Variants in MACROD2 observed in about 807,000 individuals in gnomAD.
The protein encoded by MACROD2 is mono-ADP ribosylhydrolase 2, also known as ADP-ribose glycohydrolase MACROD2.
MACROD2 carries 36 observed loss-of-function variants against 70.4 expected under a neutral mutation model. The ratio of observed to expected loss-of-function variants is 0.51; its 90% CI spans 0.39 to 0.68. The LOEUF (loss-of-function observed/expected upper bound fraction) is 0.68. Among genes scored for constraint, MACROD2 ranks in the 30% least tolerant of loss-of-function variants. The pLI, the probability that MACROD2 is intolerant of heterozygous loss-of-function variation, is 0.00. For missense variants in MACROD2, 496 were observed against 538.4 expected, an observed-to-expected ratio of 0.92 and a Z score of 0.78; for synonymous variants, 172 against 178.8, an observed-to-expected ratio of 0.96 and a Z score of 0.30.
intron 7 of MACROD2, among the ~76,000 whole-genome samples, chr20:15,493,121 A>C (rs560720619): frequency 1.4e-4 from 22 of 152,296 alleles, no homozygotes; most frequent in East Asian, 5.8e-4. Flanking sequence ...AAAATGATTG[A>C]GTGCATAAAG....
At chr20:14,593,231 AGAGG>A (rs1981899667) in intron 4 of MACROD2, among the ~76,000 whole-genome samples, 1 of 152,210 alleles carries the variant, frequency 6.6e-6, no homozygotes, top group Non-Finnish European at 1.5e-5. Flanking sequence ...TTATTCGATT[AGAGG>A]AAATTTTTTT....
At chr20:14,279,274 C>A (rs556540391) in intron 3 of MACROD2, among the ~76,000 whole-genome samples, 257 of 152,190 alleles carry the variant, frequency 1.7e-3, no homozygotes, top group African/African-American at 6.0e-3. Flanking sequence ...TTCCTAAAAA[C>A]AAAAACAAAC....
chr20:14,307,067 A>G (rs1345082792), intron 3 of MACROD2, among the ~76,000 whole-genome samples: 1 of 151,956 alleles, frequency 6.6e-6, no homozygotes, highest in African/African-American at 2.4e-5. Context: ...TGAGAAGAAA[A>G]ATGAATTTTA....
At chr20:14,130,376 C>T (rs2054701653) in intron 3 of MACROD2, among the ~76,000 whole-genome samples, 1 of 151,914 alleles carries the variant, frequency 6.6e-6, no homozygotes, top group African/African-American at 2.4e-5. Context: ...GGTGAAACCC[C>T]GTCTCTGCTA....
intron 6 of MACROD2, among the ~76,000 whole-genome samples, chr20:15,365,083 CT>C (rs1296647304): frequency 6.6e-6 from 1 of 151,916 alleles, no homozygotes; most frequent in Non-Finnish European, 1.5e-5. Context: ...CTGAGACTTG[CT>C]TTTTAGGTCA....
At chr20:14,367,115 T>G (rs2083279963) in intron 3 of MACROD2, among the ~76,000 whole-genome samples, 1 of 152,202 alleles carries the variant, frequency 6.6e-6, no homozygotes, top group Non-Finnish European at 1.5e-5. Flanking sequence ...ATCCTAAATT[T>G]ATAACAATCT....
chr20:14,719,964 C>T (rs145977140), intron 5 of MACROD2, among the ~76,000 whole-genome samples: 315 of 152,262 alleles, frequency 2.1e-3, no homozygotes, highest in African/African-American at 7.4e-3. Context: ...GCAGCTCTGG[C>T]TATCTCATAT....
chr20:15,660,323 CAT>C (rs2049801858), intron 8 of MACROD2, among the ~76,000 whole-genome samples: 1 of 152,102 alleles, frequency 6.6e-6, no homozygotes, highest in African/African-American at 2.4e-5. Context: ...TTTCATTTGA[CAT>C]GTGTTAATTT....
intron 8 of MACROD2, among the ~76,000 whole-genome samples, chr20:15,821,811 G>C (rs1221782745): frequency 6.6e-6 from 1 of 152,144 alleles, no homozygotes; most frequent in East Asian, 1.9e-4. Context: ...TTAATAAGAG[G>C]ATGGAGCATT....
chr20:14,528,322 T>G (rs539260230), intron 4 of MACROD2, among the ~76,000 whole-genome samples: 3 of 71,150 alleles, frequency 4.2e-5, no homozygotes, highest in Non-Finnish European at 7.5e-5. Context: ...AGGGTTTCTG[T>G]TTTTTTTTTT....
At chr20:14,571,801 C>T (rs995404345) in intron 4 of MACROD2, among the ~76,000 whole-genome samples, 5 of 152,040 alleles carry the variant, frequency 3.3e-5, no homozygotes, top group South Asian at 2.1e-4. Flanking sequence ...GTTGGAGTCA[C>T]GGGCTAGTTC....
At chr20:14,695,993 TATCA>T in intron 5 of MACROD2, among the ~76,000 whole-genome samples, 1 of 152,300 alleles carries the variant, frequency 6.6e-6, no homozygotes, top group South Asian at 2.1e-4. Flanking sequence ...GAGTGGGGGA[TATCA>T]ATCACATTTT....
intron 5 of MACROD2, among the ~76,000 whole-genome samples, chr20:14,790,756 C>T (rs953205264): frequency 3.9e-5 from 6 of 152,034 alleles, no homozygotes; most frequent in Non-Finnish European, 8.8e-5. Context: ...GAGATAGTTC[C>T]GTTTTGGGAA....
chr20:15,743,972 C>A (rs2051142454), intron 8 of MACROD2, among the ~76,000 whole-genome samples: 1 of 152,090 alleles, frequency 6.6e-6, no homozygotes, highest in African/African-American at 2.4e-5. Context: ...TAGACTGTTG[C>A]CAGCACACAA....
intron 3 of MACROD2, among the ~76,000 whole-genome samples, chr20:14,389,951 G>A (rs1032021170): frequency 3.3e-5 from 5 of 152,138 alleles, no homozygotes; most frequent in African/African-American, 1.2e-4. Context: ...AAGAGAGGAA[G>A]TAAACTATCC....
At chr20:15,929,577 C>G (rs2065542890) in intron 10 of MACROD2, among the ~76,000 whole-genome samples, 1 of 152,184 alleles carries the variant, frequency 6.6e-6, no homozygotes, top group Non-Finnish European at 1.5e-5. Flanking sequence ...GAAGAAAAGA[C>G]AGCAGTATAC....
intron 2 of MACROD2, among the ~76,000 whole-genome samples, chr20:14,053,946 A>T (rs2053603267): frequency 6.6e-6 from 1 of 152,134 alleles, no homozygotes; most frequent in Non-Finnish European, 1.5e-5. Context: ...TGGTGTTGGT[A>T]TAAACCCTGA....
intron 7 of MACROD2, among the ~76,000 whole-genome samples, chr20:15,460,998 A>ATTTT (rs1273367857): frequency 1.3e-5 from 1 of 76,528 alleles, no homozygotes; most frequent in African/African-American, 6.1e-5. Flanking sequence ...ATATATATAT[A>ATTTT]TATATATATT....
chr20:16,022,318 T>C (rs969763957), intron 15 of MACROD2, among the ~76,000 whole-genome samples: 1 of 152,216 alleles, frequency 6.6e-6, no homozygotes, highest in Non-Finnish European at 1.5e-5. Context: ...CCCAAAGTGC[T>C]GGGATTACAG....
Sources: gnomAD v4.1 joint callset for allele counts (sites outside exome capture counted in the v4.1 genomes callset) on GRCh38, gnomAD v4.1.1 for gene constraint, MANE v1.5 for transcripts, NCBI Gene and HGNC (gene_info 2026-07-23, HGNC 2026-07-21) for gene names.